SNIP1: variants seen among roughly 807,000 people sequenced by gnomAD.
SNIP1 encodes the protein smad nuclear-interacting protein 1.
In SNIP1, 23 loss-of-function variants were observed where a neutral mutation model predicts 37.4. That is an observed-to-expected ratio of 0.61 (90% confidence interval 0.44 to 0.87). The LOEUF (loss-of-function observed/expected upper bound fraction) is 0.87, where lower values mean the gene tolerates loss of function less well. Among genes scored for constraint, SNIP1 ranks in the 40% least tolerant of loss-of-function variants. The probability of loss-of-function intolerance (pLI) is 0.00; values close to 1 mark genes in which losing one functional copy is unlikely to be tolerated. For synonymous variants in SNIP1, 174 were observed against 200.0 expected, an observed-to-expected ratio of 0.87 and a Z score of 1.10; for missense variants, 459 against 540.4, an observed-to-expected ratio of 0.85 and a Z score of 1.49.
chr1:37,540,327 T>A lies in SNIP1; in HGVS notation c.756A>T (p.Ala252=). The change falls in exon 3 of 4, where the codon GCA becomes GCT. Residue 252 remains alanine, a synonymous_variant. Coordinates refer to ENST00000296215, the MANE Select transcript of SNIP1 (RefSeq NM_024700.4). This position sits in a 1 kb window ranked among gnomAD's most constrained non-coding sequence, Gnocchi z 5.6. ...GACGCCACCGTTTTTTGGGGATACG[T>A]GCTTCTGGGGGCTCACTATATTTAA... ...VVIKYSEPPE[A]RIPKKRWRLY... The A allele has an allele frequency of 6.2e-7, 1 of 1,614,152 alleles. No individual in the cohort carries two copies. The highest frequency in any genetic ancestry group is 1.1e-5 in the South Asian group (1 of 91,078).
At chr1:37,550,241 T>A (rs1045726494) in intron 2 of SNIP1, among the ~76,000 whole-genome samples, 1 of 152,146 alleles carries the variant, frequency 6.6e-6, no homozygotes, top group Non-Finnish European at 1.5e-5. Context: ...CTGGACTTCA[T>A]TGAAATTAAA....
chr1:37,553,834 C>T (rs767993676), intron 1 of SNIP1, among the ~76,000 whole-genome samples, 172 bp downstream of exon 1: 9 of 152,200 alleles, frequency 5.9e-5, no homozygotes, highest in Non-Finnish European at 1.3e-4. Context: ...AGCTATAATG[C>T]AAGTGACAGA....
intron 2 of SNIP1, among the ~76,000 whole-genome samples, chr1:37,549,192 G>T (rs1461585017): frequency 6.6e-6 from 1 of 151,216 alleles, no homozygotes; most frequent in African/African-American, 2.4e-5. Context: ...TAGTAACAAT[G>T]AACATTTGGA....
In SNIP1 at chr1:37,537,655, C is replaced by T. The variant is rs1643114697; in HGVS notation, c.*93G>A. The T allele has an allele frequency of 1.5e-6, 2 of 1,347,004 alleles. No individual in the cohort carries two copies. Among genetic ancestry groups the T allele is most frequent in the Non-Finnish European group, 2.1e-6 (2 of 974,520 alleles). 83.4% of individuals were successfully genotyped at this position (1,347,004 alleles called of 1,614,324 possible). A position where few individuals can be genotyped will look rare whatever the true frequency, so the allele number is the denominator to read the frequency against. On this transcript the variant is annotated 3_prime_UTR_variant, in exon 4 of 4. Transcript: ENST00000296215. ...CAGTAAGAGGCATTACAGAGAGCACCATAGTGCTGGACCCACCACCATAGT... is the reference window on the plus strand; with the variant it reads ...CAGTAAGAGGCATTACAGAGAGCACTATAGTGCTGGACCCACCACCATAGT...
Position 37,540,705 on chromosome 1 carries a change from T to C in SNIP1, c.378A>G (p.Glu126=), listed in dbSNP as rs139684851. The change falls in exon 3 of 4, where the codon GAA becomes GAG. Residue 126 remains glutamate (E), a synonymous_variant. Transcript: ENST00000296215. The surrounding 1 kb of genome is among the most constrained non-coding windows in gnomAD (Gnocchi z 5.6). ...RRGREDRQHR[E]PSEQEHRRAR... is the part of the protein sequence containing the mutation. ...CTCTCCTGTGTTCCTGTTCTGATGGTTCCCTGTGCTGCCGATCCTCCCGTC... is the reference window on the plus strand; with the variant it reads ...CTCTCCTGTGTTCCTGTTCTGATGGCTCCCTGTGCTGCCGATCCTCCCGTC... 204 of 1,613,602 alleles carry C rather than the reference T, an allele frequency of 1.3e-4. No homozygotes were observed. The African/African-American group carries it at 2.5e-3, about 19-fold the overall frequency.
intron 2 of SNIP1, among the ~76,000 whole-genome samples, chr1:37,548,504 C>T (rs1241448101): frequency 1.3e-5 from 2 of 151,592 alleles, no homozygotes; most frequent in African/African-American, 2.4e-5. Flanking sequence ...TTAGTAGAGA[C>T]GAAGTTTCAC....
rs1294974819 is a variant in SNIP1, at chr1:37,536,644, G to A, written c.*1104C>T. ...GCCTAACATTGTCATATGAAAATCA[G>A]TATCAGCTCTTTAACACACAATTTA... On this transcript the variant is annotated 3_prime_UTR_variant, in exon 4 of 4. Coordinates refer to ENST00000296215, the MANE Select transcript of SNIP1 (RefSeq NM_024700.4). 6.6e-6 allele frequency: 1 copy of A among 152,502 alleles called. No individual in the cohort carries two copies. Among genetic ancestry groups the A allele is most frequent in the African/African-American group, 2.4e-5 (1 of 41,438 alleles). The allele number at this position is 152,502 out of a possible 1,614,324, so 9.4% of individuals were successfully genotyped here.
chr1:37,554,265 G>C lies in SNIP1; in HGVS notation c.-36C>G, dbSNP rs777534804. On this transcript the variant is annotated 5_prime_UTR_variant, in exon 1 of 4. Transcript: ENST00000296215. ...TGGCTGGGCGAAAGAAAACAGATCA[G>C]TTGAGCTCCTCTAGCTGGAGGAAAT... 5.1e-6 allele frequency: 8 copies of C among 1,559,724 alleles called. No homozygotes were observed. The highest frequency in any genetic ancestry group is 5.2e-6 in the Non-Finnish European group (6 of 1,148,670).
In SNIP1 at chr1:37,554,001, C is replaced by G. The variant is rs764783143; in HGVS notation, c.224+5G>C. 1.3e-5 allele frequency: 20 copies of G among 1,557,710 alleles called. No individual in the cohort carries two copies. In the Admixed American group the frequency reaches 2.9e-4, roughly 23 times the overall value. On this transcript the variant is annotated splice_donor_5th_base_variant and intron_variant, in intron 1 of 3. Coordinates refer to ENST00000296215, the MANE Select transcript of SNIP1 (RefSeq NM_024700.4). ...ATGTCCATCCTGGACTGCTCCCCCA[C>G]TTACCGGCTAACTCCTCGGGCTCGG...
chr1:37,538,882 T>C (rs1455449985), intron 3 of SNIP1, among the ~76,000 whole-genome samples: 2 of 152,110 alleles, frequency 1.3e-5, no homozygotes, highest in Non-Finnish European at 2.9e-5. Flanking sequence ...CCAAACTTCA[T>C]CTATATTTTC....
Position 37,540,836 on chromosome 1 carries a change from T to G in SNIP1, c.328-81A>C. The G allele has an allele frequency of 7.3e-7, 1 of 1,363,260 alleles. No individual in the cohort carries two copies. The highest frequency in any genetic ancestry group is 1.5e-5 in the South Asian group (1 of 68,712). The allele number at this position is 1,363,260 out of a possible 1,614,324, so 84.4% of individuals were successfully genotyped here. ...CAAATCTTGTTCTTTTTGAACGAAG[T>G]GCATGCAAAAAGTCTTGTAATTTGG... On this transcript the variant is annotated intron_variant, in intron 2 of 3. Coordinates refer to ENST00000296215, the MANE Select transcript of SNIP1 (RefSeq NM_024700.4). The surrounding 1 kb of genome is among the most constrained non-coding windows in gnomAD (Gnocchi z 5.6).
intron 2 of SNIP1, among the ~76,000 whole-genome samples, chr1:37,549,633 A>G (rs1408148653): frequency 6.6e-6 from 1 of 152,096 alleles, no homozygotes; most frequent in African/African-American, 2.4e-5. Context: ...GCTGGTCTGG[A>G]GCTCCTGAGC....
intron 2 of SNIP1, chr1:37,545,001 G>C (rs915103385): frequency 2.6e-6 from 2 of 764,798 alleles, no homozygotes; most frequent in Non-Finnish European, 4.8e-6. Flanking sequence ...TTCTTCCTTC[G>C]GGACTTCAAG....
intron 2 of SNIP1, among the ~76,000 whole-genome samples, chr1:37,546,991 A>ATTTTC (rs1643246549): frequency 6.6e-6 from 1 of 152,060 alleles, no homozygotes; most frequent in African/African-American, 2.4e-5. Flanking sequence ...TGTCACTGCA[A>ATTTTC]TTTCTTCACA....
At chr1:37,545,804 AAAT>A (rs1170075120) in intron 2 of SNIP1, among the ~76,000 whole-genome samples, 3 of 152,068 alleles carry the variant, frequency 2.0e-5, no homozygotes, top group Non-Finnish European at 4.4e-5. Flanking sequence ...CCCTCTCTAA[AAAT>A]AATAATAAAA....
intron 2 of SNIP1, chr1:37,541,047 T>C (rs574112158): frequency 2.5e-5 from 7 of 279,046 alleles, no homozygotes; most frequent in Admixed American, 9.3e-5. Context: ...GAAAAATAAT[T>C]CCCTCCTTTT....
At chr1:37,541,094 G>A (rs1643169331) in intron 2 of SNIP1, 4 of 199,792 alleles carry the variant, frequency 2.0e-5, no homozygotes, top group African/African-American at 6.9e-5. Flanking sequence ...TTACAGGGAA[G>A]AATATACAGA....
intron 2 of SNIP1, among the ~76,000 whole-genome samples, chr1:37,547,236 T>G (rs1414351566): frequency 6.6e-6 from 1 of 152,056 alleles, no homozygotes; most frequent in Non-Finnish European, 1.5e-5. Context: ...AGAGAAGAGA[T>G]AGAGAGATTC....
intron 2 of SNIP1, among the ~76,000 whole-genome samples, chr1:37,542,272 T>C (rs960850088): frequency 6.6e-6 from 1 of 152,238 alleles, no homozygotes; most frequent in Non-Finnish European, 1.5e-5. Context: ...TTCACGTTCC[T>C]GGTGGGACAG....
Sources: gnomAD v4.1 joint callset for allele counts (sites outside exome capture counted in the v4.1 genomes callset) on GRCh38, gnomAD v4.1.1 for gene constraint, Gnocchi (gnomAD v3.1) non-coding constraint, MANE v1.5 for transcripts, NCBI Gene and HGNC (gene_info 2026-07-23, HGNC 2026-07-21) for gene names.